SLC22A23: variants seen among roughly 807,000 people sequenced by gnomAD.
SLC22A23 encodes the protein ion transporter protein.
A neutral mutation model predicts 61.0 loss-of-function variants in SLC22A23; 26 were observed. That is an observed-to-expected ratio of 0.43 (90% CI 0.31 to 0.59). The LOEUF (loss-of-function observed/expected upper bound fraction) is 0.59, where lower values mean the gene tolerates loss of function less well. SLC22A23 is among the 20% of genes least tolerant of loss of function. The pLI, the probability that SLC22A23 is intolerant of heterozygous loss-of-function variation, is 0.11. For synonymous variants in SLC22A23, 430 were observed against 413.9 expected (o/e 1.04, Z -0.47); for missense variants, 796 against 934.7 (o/e 0.85, Z 1.94).
intron 1 of SLC22A23, among the ~76,000 whole-genome samples, chr6:3,435,895 C>T (rs915237670): frequency 6.6e-6 from 1 of 152,144 alleles, no homozygotes; most frequent in African/African-American, 2.4e-5. Context: ...GAGGGAGGAC[C>T]ACGTGGGGAC....
At chr6:3,404,032 T>C (rs575261844) in intron 3 of SLC22A23, among the ~76,000 whole-genome samples, 1 of 152,348 alleles carries the variant, frequency 6.6e-6, no homozygotes, top group East Asian at 1.9e-4. Flanking sequence ...TGAACAGCTT[T>C]GTTTCAAATG....
chr6:3,355,969 G>A (rs564810713), intron 3 of SLC22A23, among the ~76,000 whole-genome samples: 2 of 121,752 alleles, frequency 1.6e-5, no homozygotes, highest in African/African-American at 3.3e-5. Flanking sequence ...ACTGTACAAC[G>A]CAGTGTTCTA....
intron 9 of SLC22A23, among the ~76,000 whole-genome samples, chr6:3,281,570 AAAG>A (rs1759476892): frequency 6.6e-6 from 1 of 152,074 alleles, no homozygotes; most frequent in Non-Finnish European, 1.5e-5. Context: ...TGTCACAGGG[AAAG>A]GCTAGTTCTG....
intron 3 of SLC22A23, among the ~76,000 whole-genome samples, chr6:3,369,498 C>T (rs1284256251): frequency 6.6e-6 from 1 of 152,134 alleles, no homozygotes; most frequent in African/African-American, 2.4e-5. Flanking sequence ...CGAGACCAGC[C>T]TGGCCAACAT....
At position 3,272,368 on chromosome 6, in the gene SLC22A23, G is replaced by A. The variant is rs1043191326; in HGVS notation, c.*687C>T. The A allele has an allele frequency of 1.3e-5, 2 of 152,756 alleles. No homozygotes were observed. Among genetic ancestry groups the A allele is most frequent in the African/African-American group, 4.8e-5 (2 of 41,432 alleles). 9.5% of individuals were successfully genotyped at this position (152,756 alleles called of 1,614,324 possible). On this transcript the variant is annotated 3_prime_UTR_variant, in exon 10 of 10. Transcript: ENST00000406686. Reference sequence around the variant, plus strand: ...GCTCAATTAAGATTTCTGGTGAAATGTTTAAGCTTTTTCTCCAAGAGCTTC... The same window carrying A: ...GCTCAATTAAGATTTCTGGTGAAATATTTAAGCTTTTTCTCCAAGAGCTTC...
chr6:3,335,425 C>G (rs1046127353), intron 3 of SLC22A23, among the ~76,000 whole-genome samples: 2 of 152,200 alleles, frequency 1.3e-5, no homozygotes, highest in Non-Finnish European at 2.9e-5. Flanking sequence ...GACTCTAACA[C>G]TACAGAATGC....
chr6:3,355,414 C>G (rs1444236467), intron 3 of SLC22A23, among the ~76,000 whole-genome samples: 2 of 151,980 alleles, frequency 1.3e-5, no homozygotes, highest in Non-Finnish European at 2.9e-5. Flanking sequence ...TTCTATGCAA[C>G]AAAGCAACCC....
Position 3,297,730 on chromosome 6 carries a change from C to T in SLC22A23, c.1210+361G>A, listed in dbSNP as rs536235274. The stretch of plus-strand genomic sequence containing the variant: ...GTCATGCTCAGGAAAGCTGAGGTCA[C>T]AGGGGCCATCTACACCCTGAGCCAG... On this transcript the variant is annotated intron_variant, in intron 5 of 9. Transcript: ENST00000406686. This position sits in a 1 kb window ranked among gnomAD's most constrained non-coding sequence, Gnocchi z 4.3. Among the ~76,000 whole-genome samples the T allele has an allele frequency of 6.6e-6, 1 of 152,302 alleles. No individual in the cohort carries two copies. Among genetic ancestry groups the T allele is most frequent in the East Asian group, 1.9e-4 (1 of 5,174 alleles).
intron 3 of SLC22A23, among the ~76,000 whole-genome samples, chr6:3,367,507 C>T (rs1414818950): frequency 1.3e-5 from 2 of 152,198 alleles, no homozygotes; most frequent in Non-Finnish European, 2.9e-5. Context: ...TCCTTGGCAG[C>T]CTGGTCGTGA....
In SLC22A23 at chr6:3,285,093, T is replaced by G. The variant is rs1395158874; in HGVS notation, c.1565A>C (p.Gln522Pro). ...TTGGGACTCACCTGAGTCTGGGTGC[T>G]GGCTGTACTTTCCAATCACTGGACC... ...GLLNLIGKYS[Q>P]HPDSGMSDSV... The change falls in exon 8 of 10, where the codon CAG (glutamine) becomes CCG (proline). Residue 522 changes from glutamine (Q) to proline (P), a missense_variant. Coordinates refer to ENST00000406686, the MANE Select transcript of SLC22A23 (RefSeq NM_015482.2). 2 of 1,613,362 alleles carry G rather than the reference T, an allele frequency of 1.2e-6. No individual in the cohort carries two copies. The highest frequency in any genetic ancestry group is 1.7e-6 in the Non-Finnish European group (2 of 1,179,708).
At chr6:3,348,195 C>T (rs1035973178) in intron 3 of SLC22A23, among the ~76,000 whole-genome samples, 2 of 152,186 alleles carry the variant, frequency 1.3e-5, no homozygotes, top group Non-Finnish European at 2.9e-5. Flanking sequence ...GGTGCCTGCA[C>T]GTTCCACGAT....
chr6:3,305,444 T>C (rs191329724), intron 4 of SLC22A23, among the ~76,000 whole-genome samples: 1 of 152,194 alleles, frequency 6.6e-6, no homozygotes, highest in Non-Finnish European at 1.5e-5. Flanking sequence ...AGGGAATACT[T>C]AAGTTTTATG....
intron 1 of SLC22A23, among the ~76,000 whole-genome samples, chr6:3,418,819 C>G (rs1187872790): frequency 6.6e-6 from 1 of 152,228 alleles, no homozygotes; most frequent in African/African-American, 2.4e-5. Context: ...TGCAACACCG[C>G]CCTTGCCATC....
intron 1 of SLC22A23, among the ~76,000 whole-genome samples, chr6:3,419,225 A>G (rs1357083928): frequency 6.6e-6 from 1 of 152,070 alleles, no homozygotes; most frequent in African/African-American, 2.4e-5. Context: ...CAAATCAATC[A>G]CCAATTCCAG....
intron 4 of SLC22A23, among the ~76,000 whole-genome samples, chr6:3,306,008 A>G (rs972839127): frequency 6.6e-6 from 1 of 152,156 alleles, no homozygotes; most frequent in Non-Finnish European, 1.5e-5. Context: ...AAAGAGGTTT[A>G]TTTGGCTCAC....
intron 1 of SLC22A23, among the ~76,000 whole-genome samples, chr6:3,448,240 T>C (rs1365441687): frequency 6.6e-6 from 1 of 151,634 alleles, no homozygotes; most frequent in African/African-American, 2.4e-5. Context: ...TCACACTCAT[T>C]AGTGTGATAA....
intron 3 of SLC22A23, among the ~76,000 whole-genome samples, chr6:3,348,790 C>A (rs1764593690): frequency 6.6e-6 from 1 of 152,218 alleles, no homozygotes; most frequent in South Asian, 2.1e-4. Context: ...CCAAATCTTA[C>A]AGCAAGCATC....
intron 5 of SLC22A23, among the ~76,000 whole-genome samples, chr6:3,293,172 C>T (rs1052519469): frequency 5.9e-5 from 9 of 152,124 alleles, no homozygotes; most frequent in Admixed American, 4.6e-4. Flanking sequence ...GATGCTAGTG[C>T]GTTAGGGGTG....
At chr6:3,368,237 C>T (rs1765964810) in intron 3 of SLC22A23, among the ~76,000 whole-genome samples, 1 of 152,224 alleles carries the variant, frequency 6.6e-6, no homozygotes, top group African/African-American at 2.4e-5. Context: ...TGCTCTTCCA[C>T]ATGGTCCCAG....
Sources: gnomAD v4.1 joint callset for allele counts (sites outside exome capture counted in the v4.1 genomes callset) on GRCh38, gnomAD v4.1.1 for gene constraint, Gnocchi (gnomAD v3.1) non-coding constraint, MANE v1.5 for transcripts, NCBI Gene and HGNC (gene_info 2026-07-23, HGNC 2026-07-21) for gene names.